Variants in DBT observed in about 807,000 individuals in gnomAD.
The protein encoded by DBT is dihydrolipoamide branched chain transacylase E2.
A neutral mutation model predicts 51.3 loss-of-function variants in DBT; 40 were observed. The observed-to-expected ratio is 0.78, with a 90% CI of 0.61 to 1.02. The LOEUF (loss-of-function observed/expected upper bound fraction) is 1.02. Ranked by LOEUF, DBT falls within the 50% of genes least tolerant of loss-of-function variation. The probability of loss-of-function intolerance (pLI) is 0.00; values close to 1 mark genes in which losing one functional copy is unlikely to be tolerated. For missense variants in DBT, 510 were observed against 580.2 expected (o/e 0.88, Z 1.24); for synonymous variants, 181 against 190.4 (o/e 0.95, Z 0.41).
chr1:100,195,788 C>A lies in DBT; in HGVS notation c.*467G>T. The stretch of plus-strand genomic sequence containing the variant: ...CAAGCGATTCTCCTGCCTCAGCCTC[C>A]CAAGTAGCTGGGATTATAGGTACCC... On this transcript the variant is annotated 3_prime_UTR_variant, in exon 11 of 11. Coordinates refer to ENST00000370132, the MANE Select transcript of DBT (RefSeq NM_001918.5). 1 of 175,312 alleles carries A rather than the reference C, an allele frequency of 5.7e-6. No homozygotes were observed. The allele number at this position is 175,312 out of a possible 1,614,324, so 10.9% of individuals were successfully genotyped here. A position where few individuals can be genotyped will look rare whatever the true frequency, so the allele number is the denominator to read the frequency against.
chr1:100,209,595 CTT>C (rs1662007843), intron 8 of DBT, among the ~76,000 whole-genome samples: 2 of 151,228 alleles, frequency 1.3e-5, no homozygotes, highest in South Asian at 2.1e-4. Context: ...GAGTTTTGCT[CTT>C]GTCGCCCACG....
Position 100,235,526 on chromosome 1 carries a change from G to A in DBT, c.176-15C>T, listed in dbSNP as rs762049483. On this transcript the variant is annotated splice_polypyrimidine_tract_variant and intron_variant, in intron 2 of 10. Coordinates refer to ENST00000370132, the MANE Select transcript of DBT (RefSeq NM_001918.5). Reference sequence around the variant, plus strand: ...TCCACGGAGAGCTTCAAAGACAAATGAGAAATGATCTCATTAAGTATATAA... The same window carrying A: ...TCCACGGAGAGCTTCAAAGACAAATAAGAAATGATCTCATTAAGTATATAA... 2.0e-6 allele frequency: 3 copies of A among 1,468,186 alleles called. No homozygotes were observed. The highest frequency in any genetic ancestry group is 1.7e-5 in the Admixed American group (1 of 59,696). The allele number at this position is 1,468,186 out of a possible 1,614,324, so 90.9% of individuals were successfully genotyped here.
rs1435457449 is a variant in DBT, at chr1:100,192,754, T to G, written c.*3501A>C. 2 of 152,244 alleles carry G rather than the reference T, an allele frequency of 1.3e-5. No individual in the cohort carries two copies. Among genetic ancestry groups the G allele is most frequent in the Non-Finnish European group, 1.5e-5 (1 of 68,048 alleles). The allele number at this position is 152,244 out of a possible 1,614,324, so 9.4% of individuals were successfully genotyped here. A position where few individuals can be genotyped will look rare whatever the true frequency, so the allele number is the denominator to read the frequency against. ...TCCATCCTCAGACTTCCTTTCCTGT[T>G]GTACTTCCTTTTCAAATATCAGAGG... On this transcript the variant is annotated 3_prime_UTR_variant, in exon 11 of 11. Coordinates refer to ENST00000370132, the MANE Select transcript of DBT (RefSeq NM_001918.5).
At chr1:100,221,386 C>T (rs183019733) in intron 4 of DBT, among the ~76,000 whole-genome samples, 7 of 152,182 alleles carry the variant, frequency 4.6e-5, no homozygotes, top group African/African-American at 9.6e-5. Flanking sequence ...TGTTTCACTA[C>T]GTTGCCCAGG....
At position 100,246,523 on chromosome 1, in the gene DBT, A is replaced by G. The variant is rs530543220; in HGVS notation, c.51+3247T>C. 9.1e-4 allele frequency among the ~76,000 whole-genome samples: 139 copies of G among 152,350 alleles called. 1 individual carries two copies. The highest frequency in any genetic ancestry group is 1.8e-3 in the Non-Finnish European group (122 of 68,034). ...ACACAACAGAAAAATTCCAAATGGC[A>G]TGATTAATCAAGAGTCAAATGCATT... On this transcript the variant is annotated intron_variant, in intron 1 of 10. Coordinates refer to ENST00000370132, the MANE Select transcript of DBT (RefSeq NM_001918.5).
At chr1:100,196,770 C>CAA (rs1424183185) in intron 10 of DBT, 2 of 230,040 alleles carry the variant, frequency 8.7e-6, no homozygotes, top group African/African-American at 4.6e-5. Flanking sequence ...TGGGGAGAGA[C>CAA]AGACAATTAA....
intron 4 of DBT, among the ~76,000 whole-genome samples, chr1:100,223,493 G>C (rs764200584): frequency 6.6e-6 from 1 of 152,108 alleles, no homozygotes; most frequent in African/African-American, 2.4e-5. Context: ...AAGAAACTGG[G>C]TCTTGCTCTG....
At chr1:100,199,921 G>A (rs908159452) in intron 10 of DBT, among the ~76,000 whole-genome samples, 14 of 152,072 alleles carry the variant, frequency 9.2e-5, no homozygotes, top group African/African-American at 3.1e-4. Context: ...ATATTCCCTC[G>A]GATGCCTACT....
intron 2 of DBT, among the ~76,000 whole-genome samples, chr1:100,238,032 G>C (rs993417226): frequency 5.3e-5 from 8 of 152,234 alleles, no homozygotes; most frequent in African/African-American, 1.9e-4. Context: ...AAATTAATAG[G>C]TTTTGATAAT....
chr1:100,230,664 A>T, intron 4 of DBT, 69 bp downstream of exon 4: 1 of 1,003,890 alleles, frequency 1.0e-6, no homozygotes, highest in Non-Finnish European at 1.5e-6. Context: ...GATCACTTTT[A>T]ATTGGGACCC....
chr1:100,228,869 C>A (rs1663364678), intron 4 of DBT, among the ~76,000 whole-genome samples: 1 of 152,080 alleles, frequency 6.6e-6, no homozygotes, highest in Non-Finnish European at 1.5e-5. Context: ...TAAAAAAATA[C>A]CTACATGTAC....
rs1162609368 is a variant in DBT at position 100,225,078 on chromosome 1, C to T, written c.433+5655G>A. On this transcript the variant is annotated intron_variant, in intron 4 of 10. Transcript: ENST00000370132. ...ACACACACACACACACACACACACA[C>T]ACACACACACACACACATATAATCT... 1.2e-3 allele frequency among the ~76,000 whole-genome samples: 160 copies of T among 137,752 alleles called. 14 individuals are homozygous for T. Among genetic ancestry groups the T allele is most frequent in the Non-Finnish European group, 1.1e-3 (70 of 64,748 alleles). The allele number at this position is 137,752 out of a possible 152,430, so 90.4% of individuals were successfully genotyped here. A position where few individuals can be genotyped will look rare whatever the true frequency, so the allele number is the denominator to read the frequency against.
At chr1:100,237,313 T>G (rs1007294259) in intron 2 of DBT, among the ~76,000 whole-genome samples, 2 of 152,186 alleles carry the variant, frequency 1.3e-5, no homozygotes, top group Admixed American at 1.3e-4. Flanking sequence ...CCAGCCCATA[T>G]GATCCTCTAG....
intron 10 of DBT, among the ~76,000 whole-genome samples, chr1:100,202,119 TAAAG>T (rs1193913769): frequency 1.3e-5 from 2 of 152,034 alleles, no homozygotes; most frequent in Non-Finnish European, 2.9e-5. Context: ...GCAAACTGGA[TAAAG>T]AGTCAAGACC....
At chr1:100,207,081 A>G (rs990065679) in intron 8 of DBT, among the ~76,000 whole-genome samples, 1 of 152,172 alleles carries the variant, frequency 6.6e-6, no homozygotes, top group African/African-American at 2.4e-5. Flanking sequence ...TCTGTCCAAA[A>G]AAAGATGATA....
At chr1:100,219,504 C>A (rs1328173020) in intron 4 of DBT, among the ~76,000 whole-genome samples, 1 of 152,080 alleles carries the variant, frequency 6.6e-6, no homozygotes, top group African/African-American at 2.4e-5. Flanking sequence ...CTCTAGCAGG[C>A]CAAGGTGGGT....
At position 100,240,815 on chromosome 1, in the gene DBT, C is replaced by G. The variant is rs199939060; in HGVS notation, c.121G>C (p.Gly41Arg). ...TGACTATACTTGAATGAAGGATAAC[C>G]AAAGAAACACACATAATTTGGCTTC... ...VLKPNYVCFF[G>R]YPSFKYSHPH... Residue 41 changes from glycine (G) to arginine (R), a missense_variant, in exon 2 of 11, where the codon GGT (glycine) becomes CGT (arginine). Transcript: ENST00000370132. 1 of 1,608,892 alleles carries G rather than the reference C, an allele frequency of 6.2e-7. No homozygotes were observed. Among genetic ancestry groups the G allele is most frequent in the East Asian group, 2.2e-5 (1 of 44,754 alleles).
chr1:100,197,881 A>C (rs1661202576), intron 10 of DBT, among the ~76,000 whole-genome samples: 2 of 152,192 alleles, frequency 1.3e-5, no homozygotes, highest in African/African-American at 4.8e-5. Context: ...CAAAATAGCA[A>C]AGGAAAGATG....
intron 4 of DBT, among the ~76,000 whole-genome samples, chr1:100,225,909 G>C (rs1663171220): frequency 6.6e-6 from 1 of 151,472 alleles, no homozygotes; most frequent in Admixed American, 6.6e-5. Flanking sequence ...TAAGGCAGAA[G>C]GACTGCTTGT....
Sources: gnomAD v4.1 joint callset for allele counts (sites outside exome capture counted in the v4.1 genomes callset) on GRCh38, gnomAD v4.1.1 for gene constraint, MANE v1.5 for transcripts, NCBI Gene and HGNC (gene_info 2026-07-23, HGNC 2026-07-21) for gene names.